LAMA2: variants seen among roughly 807,000 people sequenced by gnomAD.
The protein encoded by LAMA2 is laminin subunit alpha 2, also known as laminin subunit alpha-2.
Under a neutral mutation model 364.8 loss-of-function variants are expected in LAMA2, and 269 were observed. The ratio of observed to expected loss-of-function variants is 0.74; its 90% CI spans 0.67 to 0.82. LAMA2 has a LOEUF of 0.82. LAMA2 is among the 40% of genes least tolerant of loss of function. LAMA2 has a pLI of 0.00. For missense variants in LAMA2, 3,807 were observed against 3,873.2 expected, an observed-to-expected ratio of 0.98 and a Z score of 0.45; for synonymous variants, 1,379 against 1,370.6, an observed-to-expected ratio of 1.01 and a Z score of -0.14.
chr6:128,936,602 T>C (rs1017098609), intron 1 of LAMA2, among the ~76,000 whole-genome samples: 2 of 152,176 alleles, frequency 1.3e-5, no homozygotes, highest in African/African-American at 4.8e-5. Flanking sequence ...GTTTAATTTA[T>C]GTTAGGCACA....
At chr6:129,348,948 C>A (rs563905615) in intron 30 of LAMA2, among the ~76,000 whole-genome samples, 1 of 152,054 alleles carries the variant, frequency 6.6e-6, no homozygotes, top group Non-Finnish European at 1.5e-5. Context: ...AGACAATGTG[C>A]ATAAATTCTA....
chr6:129,149,600 A>G (rs186013076), intron 7 of LAMA2, among the ~76,000 whole-genome samples: 1 of 152,280 alleles, frequency 6.6e-6, no homozygotes, highest in East Asian at 1.9e-4. Context: ...TATCATGTAC[A>G]ATGTGTCAGA....
chr6:129,157,417 A>G (rs1779177736), intron 8 of LAMA2: 3 of 1,358,168 alleles, frequency 2.2e-6, no homozygotes, highest in Non-Finnish European at 3.1e-6. Context: ...TAGTGAAGAA[A>G]GAGTCTGAGA....
intron 18 of LAMA2, 70 bp from the exon 19 acceptor site, chr6:129,287,777 T>A (rs1789380434): frequency 1.6e-6 from 2 of 1,241,794 alleles, no homozygotes; most frequent in Admixed American, 1.7e-5. Context: ...AAGGGGAGAA[T>A]GAAAAATATG....
At chr6:129,468,839 C>A (rs559587779) in intron 51 of LAMA2, among the ~76,000 whole-genome samples, 6 of 151,972 alleles carry the variant, frequency 3.9e-5, no homozygotes, top group Non-Finnish European at 7.4e-5. Flanking sequence ...AGTAACTTAC[C>A]TGCTGCACAA....
intron 1 of LAMA2, among the ~76,000 whole-genome samples, chr6:128,994,179 A>C (rs1783779012): frequency 6.6e-6 from 1 of 152,238 alleles, no homozygotes; most frequent in Admixed American, 6.5e-5. Flanking sequence ...TTTTGTGAGA[A>C]AAGCAGAGAA....
chr6:129,494,943 C>G (rs955163677), intron 58 of LAMA2, among the ~76,000 whole-genome samples: 6 of 152,104 alleles, frequency 3.9e-5, no homozygotes, highest in Non-Finnish European at 8.8e-5. Flanking sequence ...ATCCTAATGT[C>G]CACTTATAAA....
intron 12 of LAMA2, among the ~76,000 whole-genome samples, chr6:129,225,200 T>G (rs1401626735): frequency 2.0e-5 from 3 of 152,196 alleles, no homozygotes; most frequent in African/African-American, 7.2e-5. Context: ...CATTTTTTAT[T>G]GCATCTATTT....
chr6:129,461,961 C>T (rs1341847555), intron 49 of LAMA2, among the ~76,000 whole-genome samples: 2 of 151,916 alleles, frequency 1.3e-5, no homozygotes, highest in African/African-American at 2.4e-5. Context: ...GAGTATACTA[C>T]AATTACCCAC....
intron 41 of LAMA2, chr6:129,436,850 T>C (rs1448307497): frequency 6.6e-6 from 1 of 152,180 alleles, no homozygotes; most frequent in Non-Finnish European, 1.5e-5. Context: ...GAACTACGTA[T>C]TCTTATATTT....
chr6:128,992,446 G>A (rs1277867445), intron 1 of LAMA2, among the ~76,000 whole-genome samples: 1 of 152,118 alleles, frequency 6.6e-6, no homozygotes, highest in Non-Finnish European at 1.5e-5. Flanking sequence ...TTATTCTGTG[G>A]TCAGATTATT....
intron 5 of LAMA2, among the ~76,000 whole-genome samples, chr6:129,144,664 GC>G (rs989107208): frequency 2.0e-5 from 3 of 151,934 alleles, no homozygotes; most frequent in African/African-American, 7.3e-5. Flanking sequence ...CGGTTTGTGG[GC>G]CATCAAATAA....
intron 34 of LAMA2, among the ~76,000 whole-genome samples, chr6:129,380,011 A>G (rs748617107): frequency 6.6e-5 from 10 of 152,240 alleles, no homozygotes; most frequent in Non-Finnish European, 1.2e-4. Context: ...TAAAAAGAGT[A>G]AGACAGATCC....
intron 41 of LAMA2, among the ~76,000 whole-genome samples, chr6:129,433,697 T>C (rs1358251286): frequency 6.6e-6 from 1 of 152,186 alleles, no homozygotes; most frequent in Non-Finnish European, 1.5e-5. Flanking sequence ...GTGAGGAATA[T>C]ATACATAGGT....
chr6:129,426,518 T>A (rs1273086599), intron 40 of LAMA2, among the ~76,000 whole-genome samples: 5 of 152,042 alleles, frequency 3.3e-5, no homozygotes, highest in Non-Finnish European at 4.4e-5. Context: ...TGTATCTAAT[T>A]CCCAAGAGAA....
rs368896579 is a variant in LAMA2, at chr6:129,514,444, G to A, written c.9060G>A (p.Leu3020=). The part of the protein sequence containing the change: ...AVYDAGVPGH[L]CDGQWHKVTA... ...ATGATGCTGGGGTTCCAGGGCATTT[G>A]TGTGATGGACAATGGCATAAAGTCA... The change falls in exon 64 of 65, where the codon TTG becomes TTA. Residue 3020 remains leucine, a synonymous_variant. Coordinates refer to ENST00000421865, the MANE Select transcript of LAMA2 (RefSeq NM_000426.4). 41 of 1,613,920 alleles carry A rather than the reference G, an allele frequency of 2.5e-5. No homozygotes were observed. Among genetic ancestry groups the A allele is most frequent in the Admixed American group, 3.3e-5 (2 of 59,980 alleles).
chr6:129,230,422 G>C (rs1466875667), intron 12 of LAMA2, among the ~76,000 whole-genome samples: 2 of 152,100 alleles, frequency 1.3e-5, no homozygotes, highest in Non-Finnish European at 2.9e-5. Flanking sequence ...GAGATAGCAA[G>C]TGTAGACTTG....
At chr6:129,385,329 AAGGAAG>A (rs1778953543) in intron 35 of LAMA2, among the ~76,000 whole-genome samples, 1 of 147,024 alleles carries the variant, frequency 6.8e-6, no homozygotes, top group African/African-American at 2.6e-5. Context: ...GGAAGGAAGG[AAGGAAG>A]GGGAAATAAG....
chr6:129,437,379 A>T lies in LAMA2; in HGVS notation c.5969-1267A>T, dbSNP rs115145400. 2.7e-3 allele frequency among the ~76,000 whole-genome samples: 413 copies of T among 152,188 alleles called. 3 individuals are homozygous for T. The highest frequency in any genetic ancestry group is 9.6e-3 in the African/African-American group (400 of 41,548). Reference sequence around the variant, plus strand: ...CAACCCACTGAAACTGAAGAACACTAAATGCGTGTAACATACACATTCAAT... The same window carrying T: ...CAACCCACTGAAACTGAAGAACACTTAATGCGTGTAACATACACATTCAAT... On this transcript the variant is annotated intron_variant, in intron 41 of 64. Coordinates refer to ENST00000421865, the MANE Select transcript of LAMA2 (RefSeq NM_000426.4).
Sources: gnomAD v4.1 joint callset for allele counts (sites outside exome capture counted in the v4.1 genomes callset) on GRCh38, gnomAD v4.1.1 for gene constraint, MANE v1.5 for transcripts, NCBI Gene and HGNC (gene_info 2026-07-23, HGNC 2026-07-21) for gene names.